Variants in FRMD6 observed in about 807,000 individuals in gnomAD.
FRMD6 encodes the protein FERM domain containing 6.
FRMD6 carries 37 observed loss-of-function variants against 73.2 expected under a neutral mutation model. The observed-to-expected ratio is 0.51, with a 90% CI of 0.39 to 0.66. The LOEUF is 0.66. Ranked by LOEUF, FRMD6 falls within the 30% of genes least tolerant of loss-of-function variation. The pLI is 0.00. For missense variants in FRMD6, 714 were observed against 780.5 expected (o/e 0.91, Z 1.02); for synonymous variants, 273 against 282.2 (o/e 0.97, Z 0.33).
At position 51,551,602 on chromosome 14, in the gene FRMD6, T is replaced by A. The variant is rs575497806; in HGVS notation, c.-209-18746T>A. Among the ~76,000 whole-genome samples, 10 of 151,998 alleles carry A rather than the reference T, an allele frequency of 6.6e-5. No individual in the cohort carries two copies. The East Asian group carries it at 1.9e-3, about 29-fold the overall frequency. On this transcript the variant is annotated intron_variant, in intron 1 of 14. Transcript: ENST00000356218. ...ATACGAAAAATTTATCCAGGCCTGA[T>A]GGTTTGTGCTTGTAGTCCCAGCTAC... is the stretch of plus-strand genomic sequence containing the variant.
chr14:51,561,654 C>A (rs1887487588), intron 1 of FRMD6, among the ~76,000 whole-genome samples: 1 of 152,110 alleles, frequency 6.6e-6, no homozygotes, highest in Admixed American at 6.6e-5. Flanking sequence ...TGACATTGAC[C>A]TGATGAGCTC....
intron 3 of FRMD6, among the ~76,000 whole-genome samples, chr14:51,699,322 C>CAA (rs1896141152): frequency 1.3e-5 from 2 of 152,052 alleles, no homozygotes; most frequent in South Asian, 4.1e-4. Flanking sequence ...ATACTTCAGT[C>CAA]GTTCTTTCAG....
chr14:51,550,579 G>GCCCC (rs1886756524), intron 1 of FRMD6, among the ~76,000 whole-genome samples: 1 of 64,952 alleles, frequency 1.5e-5, no homozygotes, highest in Admixed American at 1.6e-4. Context: ...CTTGGGAGGA[G>GCCCC]ACCCCCCCGC....
chr14:51,509,719 T>C (rs976068747), intron 1 of FRMD6, among the ~76,000 whole-genome samples: 2 of 151,748 alleles, frequency 1.3e-5, no homozygotes, highest in Non-Finnish European at 2.9e-5. Context: ...CTCCGCCTCC[T>C]GGGTTCAAGC....
At chr14:51,511,810 G>A (rs1884327990) in intron 1 of FRMD6, among the ~76,000 whole-genome samples, 1 of 151,932 alleles carries the variant, frequency 6.6e-6, no homozygotes, top group African/African-American at 2.4e-5. Flanking sequence ...AACCACCATG[G>A]CATGTGTATA....
At chr14:51,658,118 G>C (rs749743992) in intron 1 of FRMD6, among the ~76,000 whole-genome samples, 1 of 152,188 alleles carries the variant, frequency 6.6e-6, no homozygotes, top group Non-Finnish European at 1.5e-5. Flanking sequence ...TGTAGTCCAA[G>C]CAAGTGAGTC....
At chr14:51,597,172 T>C (rs1275219399) in intron 2 of FRMD6, among the ~76,000 whole-genome samples, 1 of 152,168 alleles carries the variant, frequency 6.6e-6, no homozygotes, top group Non-Finnish European at 1.5e-5. Flanking sequence ...CTAGGTGATA[T>C]GGGAGCTGGG....
intron 2 of FRMD6, among the ~76,000 whole-genome samples, chr14:51,592,250 G>C (rs1276071556): frequency 6.6e-6 from 1 of 152,156 alleles, no homozygotes; most frequent in Non-Finnish European, 1.5e-5. Context: ...CCTTTGACTG[G>C]CTCTCTCTGT....
At chr14:51,442,537 C>T in the FRMD6 span, among the ~76,000 whole-genome samples, 2 of 152,200 alleles carry the variant, frequency 1.3e-5, no homozygotes, top group African/African-American at 4.8e-5. Context: ...TAGCAAACTT[C>T]TAGAAAGCCT....
At chr14:51,433,426 G>A in the FRMD6 span, among the ~76,000 whole-genome samples, 2 of 152,132 alleles carry the variant, frequency 1.3e-5, no homozygotes, top group African/African-American at 4.8e-5. Flanking sequence ...TTTTAAGTGA[G>A]AAAAGTAAAA....
chr14:51,531,323 G>T (rs141677374), intron 1 of FRMD6, among the ~76,000 whole-genome samples: 3 of 152,234 alleles, frequency 2.0e-5, no homozygotes, highest in Admixed American at 6.5e-5. Flanking sequence ...TGCATAAAAT[G>T]AATAACTTTA....
At chr14:51,623,624 G>A (rs1326865796) in intron 2 of FRMD6, among the ~76,000 whole-genome samples, 1 of 152,106 alleles carries the variant, frequency 6.6e-6, no homozygotes, top group Non-Finnish European at 1.5e-5. Context: ...AGTTTTCCCA[G>A]ATATCACAGT....
chr14:51,536,823 G>A (rs1307383010), intron 1 of FRMD6, among the ~76,000 whole-genome samples: 1 of 152,228 alleles, frequency 6.6e-6, no homozygotes, highest in African/African-American at 2.4e-5. Context: ...ATGGTGGAGT[G>A]ATATGGATAA....
chr14:51,452,859 C>T, the FRMD6 span, among the ~76,000 whole-genome samples: 17 of 152,194 alleles, frequency 1.1e-4, no homozygotes, highest in East Asian at 1.9e-3. Context: ...TTAGGGTCAA[C>T]GGCAAGGAAG....
At chr14:51,573,211 C>T (rs1888225066) in intron 2 of FRMD6, among the ~76,000 whole-genome samples, 1 of 152,156 alleles carries the variant, frequency 6.6e-6, no homozygotes, top group Admixed American at 6.6e-5. Context: ...ACTTAAACCC[C>T]ACTTTGTCCT....
chr14:51,533,500 T>C (rs1310328886), intron 1 of FRMD6, among the ~76,000 whole-genome samples: 1 of 152,200 alleles, frequency 6.6e-6, no homozygotes, highest in Non-Finnish European at 1.5e-5. Context: ...TGCATAGAGA[T>C]TACGGCTGAC....
chr14:51,402,356 G>A, the FRMD6 span, among the ~76,000 whole-genome samples: 3 of 152,120 alleles, frequency 2.0e-5, no homozygotes, highest in African/African-American at 7.2e-5. Flanking sequence ...TCATTCCCAC[G>A]TGTTGTAGAG....
At chr14:51,656,389 A>T (rs541835307) in intron 1 of FRMD6, among the ~76,000 whole-genome samples, 2 of 151,880 alleles carry the variant, frequency 1.3e-5, no homozygotes, top group East Asian at 3.9e-4. Flanking sequence ...GCTTCCTTGG[A>T]GTGGTCTGTA....
At chr14:51,620,159 T>C (rs569230269) in intron 2 of FRMD6, among the ~76,000 whole-genome samples, 1 of 152,310 alleles carries the variant, frequency 6.6e-6, no homozygotes, top group South Asian at 2.1e-4. Context: ...TCAGGTGCCA[T>C]GGGAATTGGC....
Sources: allele counts gnomAD v4.1 joint callset (sites outside exome capture counted in the v4.1 genomes callset), GRCh38; gene constraint gnomAD v4.1.1; transcripts MANE v1.5; gene names NCBI Gene and HGNC (gene_info 2026-07-23, HGNC 2026-07-21).